EPM2A: variants seen among roughly 807,000 people sequenced by gnomAD.
EPM2A encodes the protein EPM2A glucan phosphatase, laforin.
EPM2A carries 21 observed loss-of-function variants against 26.5 expected under a neutral mutation model. That is an observed-to-expected ratio of 0.79 (90% confidence interval 0.56 to 1.14). The LOEUF (loss-of-function observed/expected upper bound fraction) is 1.14, where lower values mean the gene tolerates loss of function less well. Ranked by LOEUF, EPM2A falls within the 50% of genes most tolerant of loss-of-function variation. The probability of loss-of-function intolerance (pLI) is 0.00; values close to 1 mark genes in which losing one functional copy is unlikely to be tolerated. For synonymous variants in EPM2A, 217 were observed against 177.6 expected (o/e 1.22, Z -1.76); for missense variants, 458 against 440.8 (o/e 1.04, Z -0.35).
chr6:145,455,784 C>T (rs900847308), intron 4 of EPM2A, among the ~76,000 whole-genome samples: 1 of 152,136 alleles, frequency 6.6e-6, no homozygotes, highest in African/African-American at 2.4e-5. Flanking sequence ...TGAAGGTTTA[C>T]TGGTAAATTA....
At chr6:145,700,184 T>C (rs1350333102) in intron 1 of EPM2A, among the ~76,000 whole-genome samples, 4 of 152,310 alleles carry the variant, frequency 2.6e-5, no homozygotes, top group East Asian at 1.9e-4. Flanking sequence ...CTCTGTATTA[T>C]TGGAAACATT....
At chr6:145,584,373 T>C (rs1028110574) in intron 2 of EPM2A, among the ~76,000 whole-genome samples, 7 of 151,590 alleles carry the variant, frequency 4.6e-5, no homozygotes, top group Non-Finnish European at 7.4e-5. Context: ...CTGGAAGAGG[T>C]TGGCAGACAG....
At chr6:145,539,837 T>A (rs1250517652) in intron 2 of EPM2A, among the ~76,000 whole-genome samples, 1 of 152,162 alleles carries the variant, frequency 6.6e-6, no homozygotes, top group Non-Finnish European at 1.5e-5. Context: ...AATTCACCCC[T>A]AAGTACACCT....
At chr6:145,404,593 A>G (rs1001782936) in intron 4 of EPM2A, among the ~76,000 whole-genome samples, 2 of 152,072 alleles carry the variant, frequency 1.3e-5, no homozygotes, top group African/African-American at 4.8e-5. Flanking sequence ...CTTCGTTTCA[A>G]TGGTAGCCCT....
intron 2 of EPM2A, among the ~76,000 whole-genome samples, chr6:145,576,028 G>T (rs983324639): frequency 6.6e-6 from 1 of 152,180 alleles, no homozygotes; most frequent in South Asian, 2.1e-4. Context: ...TAAAGATGGA[G>T]TTTCACCATG....
intron 2 of EPM2A, among the ~76,000 whole-genome samples, chr6:145,578,744 T>C (rs928798548): frequency 6.6e-6 from 1 of 152,184 alleles, no homozygotes; most frequent in Admixed American, 6.6e-5. Flanking sequence ...ATTGAAAGTA[T>C]GTAATTTGGT....
At chr6:145,538,148 T>C (rs556180394) in intron 2 of EPM2A, among the ~76,000 whole-genome samples, 4 of 152,320 alleles carry the variant, frequency 2.6e-5, no homozygotes, top group African/African-American at 9.6e-5. Flanking sequence ...TCAAATGGTA[T>C]TTCTGGTTCT....
At position 145,625,691 on chromosome 6, in the gene EPM2A, A is replaced by G; in HGVS notation, c.*1725T>C. ...TGCTAGCTTATAAATTTAACTTTGT[A>G]AAATTATAGTGGAAATGTGTCCTGG... On this transcript the variant is annotated 3_prime_UTR_variant, in exon 4 of 4. Coordinates refer to ENST00000367519, the MANE Select transcript of EPM2A (RefSeq NM_005670.4). The G allele has an allele frequency of 1.3e-6, 1 of 778,998 alleles. No individual in the cohort carries two copies. 48.3% of individuals were successfully genotyped at this position (778,998 alleles called of 1,614,324 possible). A position where few individuals can be genotyped will look rare whatever the true frequency, so the allele number is the denominator to read the frequency against.
At chr6:145,724,501 C>T (rs550894637) in intron 1 of EPM2A, among the ~76,000 whole-genome samples, 1 of 152,100 alleles carries the variant, frequency 6.6e-6, no homozygotes, top group South Asian at 2.1e-4. Flanking sequence ...TACAAGTCAA[C>T]AACTGAATCT....
chr6:145,489,516 AC>A, intron 4 of EPM2A: 2 of 601,472 alleles, frequency 3.3e-6, no homozygotes, highest in Non-Finnish European at 5.7e-6. Flanking sequence ...ATTCAGCACA[AC>A]AACAAATAGC....
chr6:145,395,515 T>A (rs745545207), intron 4 of EPM2A, among the ~76,000 whole-genome samples: 1 of 152,086 alleles, frequency 6.6e-6, no homozygotes, highest in African/African-American at 2.4e-5. Context: ...TTAAATCTAC[T>A]GAAAAAACAA....
At chr6:145,524,800 T>C (rs1218589395) in intron 2 of EPM2A, among the ~76,000 whole-genome samples, 1 of 152,196 alleles carries the variant, frequency 6.6e-6, no homozygotes, top group East Asian at 1.9e-4. Flanking sequence ...ACTTTAGTTT[T>C]TGTTGCAGTT....
At chr6:145,504,421 A>C in intron 2 of EPM2A, among the ~76,000 whole-genome samples, 1 of 137,428 alleles carries the variant, frequency 7.3e-6, no homozygotes, top group Non-Finnish European at 1.6e-5. Context: ...AACCCCATCA[A>C]AAAGTGGGCA....
chr6:145,471,751 G>T (rs1779476588), intron 4 of EPM2A, among the ~76,000 whole-genome samples: 2 of 152,092 alleles, frequency 1.3e-5, no homozygotes, highest in Non-Finnish European at 2.9e-5. Context: ...TTCCAAACTT[G>T]AGTGCCCACA....
chr6:145,699,464 T>A (rs1368625682), intron 1 of EPM2A, among the ~76,000 whole-genome samples: 1 of 152,092 alleles, frequency 6.6e-6, no homozygotes, highest in Non-Finnish European at 1.5e-5. Context: ...AAACTAAAAA[T>A]GGACTATGTT....
intron 4 of EPM2A, among the ~76,000 whole-genome samples, chr6:145,471,424 G>T (rs1199458177): frequency 6.6e-6 from 1 of 152,006 alleles, no homozygotes; most frequent in Non-Finnish European, 1.5e-5. Flanking sequence ...TATCTACACA[G>T]GAAAAACACA....
At chr6:145,695,458 G>A (rs1346878527) in intron 1 of EPM2A, among the ~76,000 whole-genome samples, 1 of 151,950 alleles carries the variant, frequency 6.6e-6, no homozygotes, top group Non-Finnish European at 1.5e-5. Flanking sequence ...TAATTACCTT[G>A]AGTGGAAATG....
chr6:145,662,586 C>G lies in EPM2A; in HGVS notation c.476+23536G>C, dbSNP rs146481013. Among the ~76,000 whole-genome samples, 7 of 152,222 alleles carry G rather than the reference C, an allele frequency of 4.6e-5. No individual in the cohort carries two copies. The East Asian group carries it at 1.2e-3, about 25-fold the overall frequency. On this transcript the variant is annotated intron_variant, in intron 2 of 3. Coordinates refer to ENST00000367519, the MANE Select transcript of EPM2A (RefSeq NM_005670.4). ...GAGACTGGGTCACCTCCGAATACAG[C>G]ATGAGCAAGTAGGAATTTACAGTCA...
intron 2 of EPM2A, among the ~76,000 whole-genome samples, chr6:145,541,177 C>CTG (rs5880647): frequency 0.34 from 49,462 of 146,892 alleles, 8,200 homozygotes; most frequent in East Asian, 0.45. Flanking sequence ...ATATATATAT[C>CTG]TGTGTGTGTG....
Sources: allele counts gnomAD v4.1 joint callset (sites outside exome capture counted in the v4.1 genomes callset), GRCh38; gene constraint gnomAD v4.1.1; transcripts MANE v1.5; gene names NCBI Gene and HGNC (gene_info 2026-07-23, HGNC 2026-07-21).